SIMC1: variants seen among roughly 807,000 people sequenced by gnomAD.
SIMC1 encodes the protein SUMO interacting motifs containing 1.
In SIMC1, 55 loss-of-function variants were observed where a neutral mutation model predicts 82.3. That is an observed-to-expected ratio of 0.67 (90% CI 0.54 to 0.84). The LOEUF is 0.84. Among genes scored for constraint, SIMC1 ranks in the 40% least tolerant of loss-of-function variants. The pLI is 0.00. For missense variants in SIMC1, 915 were observed against 1,107.2 expected (o/e 0.83, Z 2.46); for synonymous variants, 353 against 426.3 (o/e 0.83, Z 2.12).
At chr5:176,301,123 G>A (rs899037711) in intron 4 of SIMC1, among the ~76,000 whole-genome samples, 27 of 152,122 alleles carry the variant, frequency 1.8e-4, no homozygotes, top group African/African-American at 5.3e-4. Flanking sequence ...TGGTTTGGCC[G>A]TGTCCCCACC....
intron 7 of SIMC1, among the ~76,000 whole-genome samples, chr5:176,333,676 C>G (rs140603293): frequency 2.6e-5 from 4 of 152,196 alleles, no homozygotes; most frequent in Non-Finnish European, 5.9e-5. Flanking sequence ...TTGATTCCCC[C>G]ACCTGGGCCT....
chr5:176,250,919 G>A (rs1311647696), intron 1 of SIMC1, among the ~76,000 whole-genome samples: 1 of 152,120 alleles, frequency 6.6e-6, no homozygotes, highest in Non-Finnish European at 1.5e-5. Context: ...TATCCAATTT[G>A]CCAGTCTGAG....
chr5:176,274,021 G>C (rs1762568793), intron 1 of SIMC1, among the ~76,000 whole-genome samples: 1 of 149,540 alleles, frequency 6.7e-6, no homozygotes, highest in Non-Finnish European at 1.5e-5. Flanking sequence ...TATATACCCA[G>C]TAATGGGATG....
intron 4 of SIMC1, among the ~76,000 whole-genome samples, chr5:176,298,243 C>G (rs1421492823): frequency 6.6e-6 from 1 of 152,244 alleles, no homozygotes; most frequent in Non-Finnish European, 1.5e-5. Flanking sequence ...GAAAAAACCT[C>G]CCATACCTTG....
chr5:176,271,220 C>T (rs1008390663), intron 1 of SIMC1, among the ~76,000 whole-genome samples: 4 of 152,148 alleles, frequency 2.6e-5, no homozygotes, highest in African/African-American at 9.7e-5. Context: ...ATTAGCCAGG[C>T]ATGGTGGCAG....
At chr5:176,279,389 G>C (rs1439582955) in intron 1 of SIMC1, among the ~76,000 whole-genome samples, 1 of 151,812 alleles carries the variant, frequency 6.6e-6, no homozygotes, top group East Asian at 1.9e-4. Context: ...TCTTGCTAGC[G>C]GTCTATCAAT....
chr5:176,341,305 G>A (rs1017497955), intron 9 of SIMC1, among the ~76,000 whole-genome samples: 3 of 152,258 alleles, frequency 2.0e-5, no homozygotes, highest in African/African-American at 7.2e-5. Context: ...GGGCAAGGAT[G>A]TAGTGAGTAA....
At chr5:176,328,866 T>TA (rs1262141460) in intron 7 of SIMC1, among the ~76,000 whole-genome samples, 1 of 152,126 alleles carries the variant, frequency 6.6e-6, no homozygotes, top group Non-Finnish European at 1.5e-5. Flanking sequence ...AATTAATCAA[T>TA]AAAAATGGAA....
At chr5:176,294,985 A>C (rs1023597440) in intron 2 of SIMC1, 45 bp from the exon 3 acceptor site, 1 of 1,523,760 alleles carries the variant, frequency 6.6e-7, no homozygotes, top group African/African-American at 1.4e-5. Context: ...AAAAAAAAAA[A>C]AGAAAAGAAA....
At chr5:176,248,352 C>T (rs1363384460) in intron 1 of SIMC1, among the ~76,000 whole-genome samples, 1 of 151,952 alleles carries the variant, frequency 6.6e-6, no homozygotes, top group African/African-American at 2.4e-5. Context: ...CCTAGGTATT[C>T]TATTCTCTTT....
At chr5:176,279,953 G>A (rs1309758932) in intron 1 of SIMC1, among the ~76,000 whole-genome samples, 1 of 152,050 alleles carries the variant, frequency 6.6e-6, no homozygotes, top group East Asian at 1.9e-4. Context: ...ATATTCTGTT[G>A]ATTTGGGGTG....
intron 7 of SIMC1, among the ~76,000 whole-genome samples, chr5:176,331,077 G>A (rs909632417): frequency 6.6e-6 from 1 of 152,160 alleles, no homozygotes; most frequent in East Asian, 1.9e-4. Flanking sequence ...AATGAGAGAT[G>A]TTCCTTGAAA....
At chr5:176,291,152 C>T (rs1434329004) in intron 2 of SIMC1, among the ~76,000 whole-genome samples, 197 bp downstream of exon 2, 1 of 140,550 alleles carries the variant, frequency 7.1e-6, no homozygotes, top group Non-Finnish European at 1.5e-5. Context: ...TAAAAACTGT[C>T]ACTTTACTTT....
intron 1 of SIMC1, among the ~76,000 whole-genome samples, chr5:176,276,782 A>AT (rs1263857428): frequency 1.4e-5 from 2 of 139,918 alleles, no homozygotes; most frequent in Non-Finnish European, 3.1e-5. Context: ...TGAACTCATC[A>AT]TTTTTTATGG....
chr5:176,259,414 C>T (rs1245713530), intron 1 of SIMC1, among the ~76,000 whole-genome samples: 1 of 151,728 alleles, frequency 6.6e-6, no homozygotes, highest in Admixed American at 6.6e-5. Flanking sequence ...GGCTCCACTG[C>T]ACTCCAGCCT....
intron 4 of SIMC1, among the ~76,000 whole-genome samples, chr5:176,311,538 C>T (rs542422449): frequency 1.3e-5 from 2 of 151,150 alleles, no homozygotes; most frequent in Non-Finnish European, 2.9e-5. Flanking sequence ...TGACTATGCC[C>T]AGCCCACATT....
chr5:176,289,161 C>T (rs932124894), intron 1 of SIMC1, among the ~76,000 whole-genome samples: 38 of 152,120 alleles, frequency 2.5e-4, no homozygotes, highest in Non-Finnish European at 1.0e-4. Flanking sequence ...TAACCTAACC[C>T]CTCTGAACTC....
At position 176,241,099 on chromosome 5, in the gene SIMC1, A is replaced by T. The variant is rs1483294874; in HGVS notation, c.129+2462A>T. Among the ~76,000 whole-genome samples the T allele has an allele frequency of 4.2e-5, 3 of 70,610 alleles. 1 individual carries two copies. In the East Asian group the frequency reaches 1.1e-3, roughly 25 times the overall value. 46.3% of individuals were successfully genotyped at this position (70,610 alleles called of 152,430 possible). ...TGACATTTCTGAACTCTTGATTCTT[A>T]ACCTGGGCTTTAGTCTTCACTGAGT... is the stretch of plus-strand genomic sequence containing the variant. On this transcript the variant is annotated intron_variant, in intron 1 of 9. Coordinates refer to ENST00000429602, the MANE Select transcript of SIMC1 (RefSeq NM_001308195.2).
chr5:176,322,145 G>A lies in SIMC1; in HGVS notation c.1890-128G>A, dbSNP rs1424131898. ...CTGTAGGGAAATCCAGGGATCTGGG[G>A]GCCCAGGTTAAGGCTATAGTTCTGA... is the stretch of plus-strand genomic sequence containing the variant. On this transcript the variant is annotated intron_variant, in intron 5 of 9. Transcript: ENST00000429602. 3 of 1,048,406 alleles carry A rather than the reference G, an allele frequency of 2.9e-6. No individual in the cohort carries two copies. The East Asian group carries it at 8.0e-5, about 28-fold the overall frequency. 64.9% of individuals were successfully genotyped at this position (1,048,406 alleles called of 1,614,324 possible).
Sources: gnomAD v4.1 joint callset for allele counts (sites outside exome capture counted in the v4.1 genomes callset) on GRCh38, gnomAD v4.1.1 for gene constraint, MANE v1.5 for transcripts, NCBI Gene and HGNC (gene_info 2026-07-23, HGNC 2026-07-21) for gene names.